YAP1: variants seen among roughly 807,000 people sequenced by gnomAD.
The protein encoded by YAP1 is transcriptional coactivator YAP1.
A neutral mutation model predicts 56.9 loss-of-function variants in YAP1; 5 were observed. The observed-to-expected ratio is 0.09, with a 90% confidence interval of 0.05 to 0.18. The LOEUF is 0.18. Among genes scored for constraint, YAP1 ranks in the 10% least tolerant of loss-of-function variants. The probability of loss-of-function intolerance (pLI) is 1.00; values close to 1 mark genes in which losing one functional copy is unlikely to be tolerated. For synonymous variants in YAP1, 265 were observed against 248.1 expected (o/e 1.07, Z -0.64); for missense variants, 539 against 651.8 (o/e 0.83, Z 1.88).
At position 102,153,678 on chromosome 11, in the gene YAP1, C is replaced by A. The variant is rs1591251357; in HGVS notation, c.573-8778C>A. On this transcript the variant is annotated intron_variant, in intron 2 of 8. Coordinates refer to ENST00000282441, the MANE Select transcript of YAP1 (RefSeq NM_001130145.3). Reference sequence around the variant, plus strand: ...AATTTTGAAAAGAATTTCAATGAAACTCCTAATATATTTGCTGTACTCAAT... The same window carrying A: ...AATTTTGAAAAGAATTTCAATGAAAATCCTAATATATTTGCTGTACTCAAT... Among the ~76,000 whole-genome samples, 4 of 152,080 alleles carry A rather than the reference C, an allele frequency of 2.6e-5. No individual in the cohort carries two copies. The East Asian group carries it at 7.7e-4, about 29-fold the overall frequency.
At chr11:102,116,147 A>G (rs965834429) in intron 2 of YAP1, among the ~76,000 whole-genome samples, 3 of 152,178 alleles carry the variant, frequency 2.0e-5, no homozygotes, top group Non-Finnish European at 2.9e-5. Context: ...CATGGATTCA[A>G]CCAACCTCTG....
At chr11:102,155,656 T>C (rs1369977198) in intron 2 of YAP1, among the ~76,000 whole-genome samples, 1 of 152,226 alleles carries the variant, frequency 6.6e-6, no homozygotes, top group Non-Finnish European at 1.5e-5. Flanking sequence ...TAGTGTGGAT[T>C]TTCCTGACTC....
chr11:102,121,593 C>T (rs1184743116), intron 2 of YAP1, among the ~76,000 whole-genome samples: 2 of 152,118 alleles, frequency 1.3e-5, no homozygotes, highest in Non-Finnish European at 2.9e-5. Flanking sequence ...TGCTACCTCC[C>T]ATGCCACCAC....
At chr11:102,175,255 C>T (rs908764012) in intron 3 of YAP1, among the ~76,000 whole-genome samples, 3 of 152,178 alleles carry the variant, frequency 2.0e-5, no homozygotes, top group African/African-American at 7.2e-5. Flanking sequence ...CAAAAATTAG[C>T]CGGGCATGGT....
intron 7 of YAP1, among the ~76,000 whole-genome samples, chr11:102,226,358 A>G (rs1012273450): frequency 1.3e-5 from 2 of 152,240 alleles, no homozygotes; most frequent in Non-Finnish European, 2.9e-5. Flanking sequence ...AATGCATTGC[A>G]TCATTTAGGG....
intron 3 of YAP1, among the ~76,000 whole-genome samples, chr11:102,167,880 A>G (rs1946695439): frequency 6.6e-6 from 1 of 152,162 alleles, no homozygotes; most frequent in East Asian, 1.9e-4. Flanking sequence ...TGTATTAAAA[A>G]TAAAAATAAA....
Position 102,129,795 on chromosome 11 carries a change from C to CTT in YAP1, c.572+15421_572+15422dup, listed in dbSNP as rs773044206. ...TCTGTTGGGTGAAAAGGAAGCAAAACTTTTTTTTTTTTTTTTTTTTTCGAA... is the reference window on the plus strand; with the variant it reads ...TCTGTTGGGTGAAAAGGAAGCAAAACTTTTTTTTTTTTTTTTTTTTTTTCGAA... On this transcript the variant is annotated intron_variant, in intron 2 of 8. Transcript: ENST00000282441. 1.3e-3 allele frequency among the ~76,000 whole-genome samples: 134 copies of CTT among 102,034 alleles called. 1 individual carries two copies. The highest frequency in any genetic ancestry group is 2.8e-3 in the African/African-American group (73 of 26,430). 66.9% of individuals were successfully genotyped at this position (102,034 alleles called of 152,430 possible). A position where few individuals can be genotyped will look rare whatever the true frequency, so the allele number is the denominator to read the frequency against.
chr11:102,184,761 TA>T (rs1947857008), intron 3 of YAP1, among the ~76,000 whole-genome samples: 1 of 152,174 alleles, frequency 6.6e-6, no homozygotes, highest in South Asian at 2.1e-4. Context: ...TATTTGTGCA[TA>T]GGAGGGATAC....
intron 2 of YAP1, among the ~76,000 whole-genome samples, chr11:102,150,039 T>C (rs993851458): frequency 1.4e-5 from 2 of 138,678 alleles, no homozygotes. Flanking sequence ...GGCTGGAATG[T>C]AGTGGCGCTA....
intron 6 of YAP1, among the ~76,000 whole-genome samples, chr11:102,211,787 T>C (rs1271599343): frequency 3.3e-5 from 5 of 151,924 alleles, no homozygotes; most frequent in African/African-American, 1.2e-4. Flanking sequence ...CACTGCAACC[T>C]CCACCTCCCA....
At chr11:102,132,307 A>AC (rs888275692) in intron 2 of YAP1, among the ~76,000 whole-genome samples, 5 of 152,168 alleles carry the variant, frequency 3.3e-5, no homozygotes, top group Admixed American at 1.3e-4. Flanking sequence ...TTCTGGTAAA[A>AC]CCAAAGGTCT....
At chr11:102,203,196 T>G (rs976214544) in intron 4 of YAP1, among the ~76,000 whole-genome samples, 1 of 152,194 alleles carries the variant, frequency 6.6e-6, no homozygotes, top group Non-Finnish European at 1.5e-5. Flanking sequence ...GCCCATGAAT[T>G]TGCATTTCTA....
chr11:102,176,745 C>CAAAAAAAAAAAAAAAAAAAAAAAA (rs57082707), intron 3 of YAP1, among the ~76,000 whole-genome samples: 15 of 45,510 alleles, frequency 3.3e-4, no homozygotes, highest in African/African-American at 4.4e-4. Flanking sequence ...GACTCCGTCT[C>CAAAAAAAAAAAAAAAAAAAAAAAA]AAAAAAAAAA....
chr11:102,112,038 A>G (rs1942962528), intron 1 of YAP1, among the ~76,000 whole-genome samples: 1 of 152,158 alleles, frequency 6.6e-6, no homozygotes, highest in Non-Finnish European at 1.5e-5. Flanking sequence ...GTAGACTATT[A>G]TTTACAGTCG....
At position 102,228,634 on chromosome 11, in the gene YAP1, C is replaced by CAAAAAAAAAAAAAAAAAAAAAAAA. The variant is rs71059544; in HGVS notation, c.1276+1057_1277-1041dup. Reference sequence around the variant, plus strand: ...TGGGTGACAGAGCAAGACTCCGTCTCAAAAAAAAAAAAAAAAAAAAAAAAA... The same window carrying CAAAAAAAAAAAAAAAAAAAAAAAA: ...TGGGTGACAGAGCAAGACTCCGTCTCAAAAAAAAAAAAAAAAAAAAAAAAAAAAAAAAAAAAAAAAAAAAAAAAA... On this transcript the variant is annotated intron_variant, in intron 8 of 8. Transcript: ENST00000282441. 1.4e-3 allele frequency among the ~76,000 whole-genome samples: 45 copies of CAAAAAAAAAAAAAAAAAAAAAAAA among 31,638 alleles called. 1 individual carries two copies. Among genetic ancestry groups the CAAAAAAAAAAAAAAAAAAAAAAAA allele is most frequent in the Middle Eastern group, 0.018 (1 of 56 alleles). The allele number at this position is 31,638 out of a possible 152,430, so 20.8% of individuals were successfully genotyped here.
intron 2 of YAP1, among the ~76,000 whole-genome samples, chr11:102,154,614 A>G (rs183736399): frequency 6.6e-6 from 1 of 152,268 alleles, no homozygotes; most frequent in Admixed American, 6.5e-5. Context: ...GATTGAAAGA[A>G]TCCCACCACT....
intron 4 of YAP1, among the ~76,000 whole-genome samples, chr11:102,205,033 C>A (rs1949051003): frequency 6.6e-6 from 1 of 152,146 alleles, no homozygotes; most frequent in African/African-American, 2.4e-5. Context: ...CATAAAACTT[C>A]CCTCTGCTCA....
At chr11:102,144,090 C>T (rs1218581066) in intron 2 of YAP1, among the ~76,000 whole-genome samples, 1 of 152,228 alleles carries the variant, frequency 6.6e-6, no homozygotes, top group Non-Finnish European at 1.5e-5. Flanking sequence ...AGGGTGCTTT[C>T]TGGCTCCAGA....
chr11:102,210,096 T>TTC (rs1285677427), intron 6 of YAP1, among the ~76,000 whole-genome samples: 10 of 152,332 alleles, frequency 6.6e-5, no homozygotes, highest in African/African-American at 2.2e-4. Context: ...TGTTGGCTTT[T>TTC]ATCAGCATTC....
Sources: allele counts gnomAD v4.1 joint callset (sites outside exome capture counted in the v4.1 genomes callset), GRCh38; gene constraint gnomAD v4.1.1; transcripts MANE v1.5; gene names NCBI Gene and HGNC (gene_info 2026-07-23, HGNC 2026-07-21).